XIRP1: variants seen among roughly 807,000 people sequenced by gnomAD.
XIRP1 encodes xin actin-binding repeat-containing protein 1.
For missense variants in XIRP1, 2,378 were observed against 2,345.4 expected, an observed-to-expected ratio of 1.01 and a Z score of -0.29; for synonymous variants, 984 against 947.0, an observed-to-expected ratio of 1.04 and a Z score of -0.72.
intron 1 of XIRP1, 49 bp from the exon 2 acceptor site, chr3:39,189,574 T>A (rs1002663223): frequency 1.4e-6 from 2 of 1,398,282 alleles, no homozygotes; most frequent in East Asian, 2.3e-5. Flanking sequence ...TAGCTCTGGG[T>A]GACTTACGCT....
intron 1 of XIRP1, among the ~76,000 whole-genome samples, chr3:39,191,210 A>G (rs1017757579): frequency 3.3e-5 from 5 of 152,160 alleles, no homozygotes; most frequent in African/African-American, 1.2e-4. Flanking sequence ...CCTGAGTCTC[A>G]TCAAAGCTCT....
At chr3:39,190,512 T>C (rs1184521689) in intron 1 of XIRP1, among the ~76,000 whole-genome samples, 1 of 152,084 alleles carries the variant, frequency 6.6e-6, no homozygotes, top group African/African-American at 2.4e-5. Context: ...GAGACAGCCC[T>C]GCCTCTTGCT....
intron 1 of XIRP1, 107 bp from the exon 2 acceptor site, chr3:39,189,632 G>A (rs371931685): frequency 9.4e-6 from 8 of 852,472 alleles, no homozygotes; most frequent in Non-Finnish European, 8.6e-6. Flanking sequence ...GCTTCACTTC[G>A]CTGCCTGCAT....
chr3:39,188,948 G>A lies in XIRP1; in HGVS notation c.498C>T (p.Asp166=), dbSNP rs115099187. The change falls in exon 2 of 2, where the codon GAC becomes GAT. Residue 166 remains aspartate (D), a synonymous_variant. Coordinates refer to ENST00000340369, the MANE Select transcript of XIRP1 (RefSeq NM_194293.4). The part of the protein sequence containing the change: ...ARWLFETKPL[D]ELTGQAKELE... ...GTTCCTTGGCTTGCCCTGTCAGCTC[G>A]TCCAGTGGCTTTGTCTCAAATAGCC... 88,108 of 1,613,504 alleles carry A rather than the reference G, an allele frequency of 0.055. 2,825 individuals carry two copies. Among genetic ancestry groups the A allele is most frequent in the Non-Finnish European group, 0.062 (73,739 of 1,180,000 alleles).
rs143000605 is a variant in XIRP1 at position 39,187,429 on chromosome 3, G to A, written c.2017C>T (p.Arg673Cys). ...FETEPLQASG[R>C]PCGRRPVRYC... Reference sequence around the variant, plus strand: ...CTCACAGGCCGTCTTCCACAGGGACGGCCTGAGGCCTGAAGAGGCTCGGTC... The same window carrying A: ...CTCACAGGCCGTCTTCCACAGGGACAGCCTGAGGCCTGAAGAGGCTCGGTC... The change falls in exon 2 of 2, where the codon CGT becomes TGT. Residue 673 changes from arginine (R) to cysteine (C), a missense_variant. Transcript: ENST00000340369. 36 of 1,614,018 alleles carry A rather than the reference G, an allele frequency of 2.2e-5. 1 individual carries two copies. Among genetic ancestry groups the A allele is most frequent in the Middle Eastern group, 1.6e-4 (1 of 6,084 alleles).
rs763700291 is a variant in XIRP1, at chr3:39,185,748, C to G, written c.3698G>C (p.Arg1233Pro). ...TTGGGGCCCAGAGGCCAGAATGTGG[C>G]GGCCTAGAGGGGCAGTCTTCAGGGT... is the stretch of plus-strand genomic sequence containing the variant. The part of the protein sequence containing the change: ...ETTLKTAPLG[R>P]HILASGPQAA... Residue 1233 changes from arginine to proline, a missense_variant, in exon 2 of 2, where the codon CGC becomes CCC. Arg to Pro is a moderately radical substitution (Grantham distance 103). Coordinates refer to ENST00000340369, the MANE Select transcript of XIRP1 (RefSeq NM_194293.4). The G allele has an allele frequency of 1.2e-6, 2 of 1,607,014 alleles. No homozygotes were observed. The highest frequency in any genetic ancestry group is 8.5e-7 in the Non-Finnish European group (1 of 1,176,176).
chr3:39,188,855 C>G lies in XIRP1; in HGVS notation c.591G>C (p.Thr197=), dbSNP rs765511053. Residue 197 remains threonine (T), a synonymous_variant, in exon 2 of 2, where the codon ACG becomes ACC. Transcript: ENST00000340369. ...DVQGTRMLFE[T]RPLDRLGSRP... ...GGGAGCCCAGGCGGTCCAGCGGCCG[C>G]GTCTCAAAGAGCATCCTGGTACCCT... The G allele has an allele frequency of 1.2e-6, 2 of 1,612,504 alleles. No homozygotes were observed. The highest frequency in any genetic ancestry group is 3.3e-5 in the Admixed American group (2 of 60,030).
chr3:39,189,212 A>G lies in XIRP1; in HGVS notation c.234T>C (p.Ala78=). ...NLAEAVAEDL[A]EVLGSEEPTE... is the part of the protein sequence containing the mutation. ...TGGGTTCCTCAGAGCCCAGGACCTC[A>G]GCCAGATCCTCGGCCACAGCCTCAG... is the stretch of plus-strand genomic sequence containing the variant. The change falls in exon 2 of 2, where the codon GCT becomes GCC. Residue 78 remains alanine, a synonymous_variant. Transcript: ENST00000340369. 6.2e-7 allele frequency: 1 copy of G among 1,614,212 alleles called. No homozygotes were observed. The highest frequency in any genetic ancestry group is 2.2e-5 in the East Asian group (1 of 44,894).
chr3:39,188,031 G>T lies in XIRP1; in HGVS notation c.1415C>A (p.Ser472Tyr). 6.2e-7 allele frequency: 1 copy of T among 1,614,226 alleles called. No individual in the cohort carries two copies. The highest frequency in any genetic ancestry group is 8.5e-7 in the Non-Finnish European group (1 of 1,180,040). The change falls in exon 2 of 2, where the codon TCT becomes TAT. Residue 472 changes from serine (S) to tyrosine (Y), a missense_variant. Ser to Tyr is a moderately radical substitution (Grantham distance 144, BLOSUM62 -2). Transcript: ENST00000340369. ...CCCTATGCCCTGGGCCTGCCCAGCA[G>T]AATCAGTTCCTTCTTCTCTGCTTGG... ...GSPSREEGTD[S>Y]AGQAQGIGSP...
At position 39,184,914 on chromosome 3, in the gene XIRP1, G is replaced by A. The variant is rs985704603; in HGVS notation, c.4532C>T (p.Ala1511Val). The part of the protein sequence containing the change: ...VPQLGGAAPQ[A>V]PAAHQKPEAS... ...CTCGGGCTTTTGGTGGGCAGCAGGAGCCTGAGGAGCAGCCCCTCCCAGCTG... is the reference window on the plus strand; with the variant it reads ...CTCGGGCTTTTGGTGGGCAGCAGGAACCTGAGGAGCAGCCCCTCCCAGCTG... Residue 1511 changes from alanine (A) to valine (V), a missense_variant, in exon 2 of 2, where the codon GCT becomes GTT. Transcript: ENST00000340369. 3 of 1,584,288 alleles carry A rather than the reference G, an allele frequency of 1.9e-6. No individual in the cohort carries two copies. Among genetic ancestry groups the A allele is most frequent in the African/African-American group, 1.3e-5 (1 of 74,106 alleles).
chr3:39,187,236 A>G lies in XIRP1; in HGVS notation c.2210T>C (p.Met737Thr). ...GATGCTCTCAGCTGCCAGGGAGCCC[A>G]TGGGACAATTCTCAAAAAGCCAAGT... is the stretch of plus-strand genomic sequence containing the variant. ...KFTWLFENCP[M>T]GSLAAESIQG... Residue 737 changes from methionine (M) to threonine (T), a missense_variant, in exon 2 of 2, where the codon ATG (methionine) becomes ACG (threonine). Coordinates refer to ENST00000340369, the MANE Select transcript of XIRP1 (RefSeq NM_194293.4). 1.3e-6 allele frequency: 2 copies of G among 1,587,000 alleles called. No homozygotes were observed. The highest frequency in any genetic ancestry group is 1.7e-6 in the Non-Finnish European group (2 of 1,163,392).
In XIRP1 at chr3:39,187,716, C is replaced by G. The variant is rs770215454; in HGVS notation, c.1730G>C (p.Ser577Thr). Residue 577 changes from serine (S) to threonine (T), a missense_variant, in exon 2 of 2, where the codon AGT becomes ACT. Ser to Thr is a moderately conservative substitution (Grantham distance 58). Transcript: ENST00000340369. ...TGCCTCAGGCTGGGGGTCTCCCTGA[C>G]TCTTCCCTTCTTCTTTCTGTCGTTC... ...QQERQKEEGK[S>T]QGDPQPEAPP... 6.2e-7 allele frequency: 1 copy of G among 1,614,118 alleles called. No homozygotes were observed. Among genetic ancestry groups the G allele is most frequent in the South Asian group, 1.1e-5 (1 of 91,090 alleles).
At position 39,183,867 on chromosome 3, in the gene XIRP1, A is replaced by C. The variant is rs1693711627; in HGVS notation, c.*47T>G. ...CAGGTACCCACTTCAGTCCTGGGGC[A>C]GTGGAGGCCAGGAACAGGTGGCAGG... On this transcript the variant is annotated 3_prime_UTR_variant, in exon 2 of 2. Transcript: ENST00000340369. The C allele has an allele frequency of 2.5e-6, 4 of 1,578,724 alleles. No individual in the cohort carries two copies. Among genetic ancestry groups the C allele is most frequent in the Non-Finnish European group, 3.4e-6 (4 of 1,165,530 alleles).
rs138658722 is a variant in XIRP1 at position 39,189,011 on chromosome 3, C to A, written c.435G>T (p.Arg145Ser). ...GAACGTCTCCTCCACCTGGCTGGGGCCTGGTTGGCTCCTGGTCTGTGCTGT... is the reference window on the plus strand; with the variant it reads ...GAACGTCTCCTCCACCTGGCTGGGGACTGGTTGGCTCCTGGTCTGTGCTGT... ...FANSTDQEPTRPQPGGGDVRA... is the reference protein window; with the variant it reads ...FANSTDQEPTSPQPGGGDVRA... The change falls in exon 2 of 2, where the codon AGG (arginine) becomes AGT (serine). Residue 145 changes from arginine (R) to serine (S), a missense_variant. Physicochemically the swap from Arg to Ser is moderately radical, Grantham distance 110 (BLOSUM62 -1). Coordinates refer to ENST00000340369, the MANE Select transcript of XIRP1 (RefSeq NM_194293.4). The A allele has an allele frequency of 3.8e-4, 606 of 1,613,884 alleles. No individual in the cohort carries two copies. The highest frequency in any genetic ancestry group is 5.0e-4 in the Non-Finnish European group (592 of 1,180,056).
chr3:39,186,527 A>G lies in XIRP1; in HGVS notation c.2919T>C (p.Val973=). The G allele has an allele frequency of 6.2e-7, 1 of 1,612,048 alleles. No individual in the cohort carries two copies. The highest frequency in any genetic ancestry group is 8.5e-7 in the Non-Finnish European group (1 of 1,179,124). The stretch of plus-strand genomic sequence containing the variant: ...TCCCCATGCTGGGGTCCAGTGGGGG[A>G]ACATGGATGATGCTCTCAGTTGGGT... ...SLHPTESIIH[V]PPLDPSMGMG... is the part of the protein sequence containing the mutation. The change falls in exon 2 of 2, where the codon GTT becomes GTC. Residue 973 remains valine (V), a synonymous_variant. Transcript: ENST00000340369.
Position 39,186,521 on chromosome 3 carries a change from TG to T in XIRP1, c.2924del (p.Pro975HisfsTer11). The T allele has an allele frequency of 6.2e-7, 1 of 1,612,430 alleles. No individual in the cohort carries two copies. Reference protein sequence around the residue: ...HPTESIIHVPPLDPSMGMGHL... With the variant: ...HPTESIIHVPXLDPSMGMGHL... ...GCCCCATCCCCATGCTGGGGTCCAG[TG>T]GGGGAACATGGATGATGCTCTCAGT... On this transcript the variant is annotated frameshift_variant, in exon 2 of 2. Transcript: ENST00000340369. LOFTEE classifies it low-confidence loss of function (END_TRUNC).
rs1248754381 is a variant in XIRP1, at chr3:39,186,175, C to G, written c.3271G>C (p.Asp1091His). 6.2e-7 allele frequency: 1 copy of G among 1,613,750 alleles called. No homozygotes were observed. The highest frequency in any genetic ancestry group is 8.5e-7 in the Non-Finnish European group (1 of 1,179,900). Reference protein sequence around the residue: ...TPTATSNPIQDGLRKAGATQS... With the variant: ...TPTATSNPIQHGLRKAGATQS... ...GTAGCCCCAGCTTTCCGAAGACCGT[C>G]CTGGATGGGGTTGGAAGTGGCTGTT... Residue 1091 changes from aspartate to histidine, a missense_variant, in exon 2 of 2, where the codon GAC becomes CAC. Transcript: ENST00000340369.
rs1355170219 is a variant in XIRP1 at position 39,189,087 on chromosome 3, C to T, written c.359G>A (p.Cys120Tyr). Reference sequence around the variant, plus strand: ...GCGGGAGGTGGCCTGGACGTCACCACACAGCACGGGCTCCTTGGCAGCTGG... The same window carrying T: ...GCGGGAGGTGGCCTGGACGTCACCATACAGCACGGGCTCCTTGGCAGCTGG... ...ERPAAKEPVL[C>Y]GDVQATSRKF... The change falls in exon 2 of 2, where the codon TGT becomes TAT. Residue 120 changes from cysteine to tyrosine, a missense_variant. By Grantham distance (194) the Cys-to-Tyr change is radical (BLOSUM62 -2). Transcript: ENST00000340369. 1.2e-6 allele frequency: 2 copies of T among 1,614,200 alleles called. No individual in the cohort carries two copies. Among genetic ancestry groups the T allele is most frequent in the Non-Finnish European group, 1.7e-6 (2 of 1,180,036 alleles).
chr3:39,185,677 G>A lies in XIRP1; in HGVS notation c.3769C>T (p.Pro1257Ser), dbSNP rs2039955387. The A allele has an allele frequency of 6.2e-7, 1 of 1,613,580 alleles. No homozygotes were observed. Among genetic ancestry groups the A allele is most frequent in the South Asian group, 1.1e-5 (1 of 90,972 alleles). The stretch of plus-strand genomic sequence containing the variant: ...GTCACAGCAGCTGGGAGAGTAGGAG[G>A]AGGAGGAACAAAGGCATTATGGGGG... ...PHPHNAFVPP[P>S]PTLPAAVTGP... The change falls in exon 2 of 2, where the codon CCT (proline) becomes TCT (serine). Residue 1257 changes from proline to serine, a missense_variant. Physicochemically the swap from Pro to Ser is moderately conservative, Grantham distance 74. Coordinates refer to ENST00000340369, the MANE Select transcript of XIRP1 (RefSeq NM_194293.4).
Sources: gnomAD v4.1 joint callset for allele counts (sites outside exome capture counted in the v4.1 genomes callset) on GRCh38, gnomAD v4.1.1 for gene constraint, MANE v1.5 for transcripts, NCBI Gene and HGNC (gene_info 2026-07-23, HGNC 2026-07-21) for gene names.